NVL: variants seen among roughly 807,000 people sequenced by gnomAD.
The protein encoded by NVL is nuclear valosin-containing protein-like.
NVL carries 84 observed loss-of-function variants against 110.2 expected under a neutral mutation model. The observed-to-expected ratio is 0.76, with a 90% CI of 0.64 to 0.91. The LOEUF (loss-of-function observed/expected upper bound fraction) is 0.91, where lower values mean the gene tolerates loss of function less well. Among genes scored for constraint, NVL ranks in the 40% least tolerant of loss-of-function variants. NVL has a pLI of 0.00. For missense variants in NVL, 882 were observed against 1,035.9 expected, an observed-to-expected ratio of 0.85 and a Z score of 2.04; for synonymous variants, 354 against 361.1, an observed-to-expected ratio of 0.98 and a Z score of 0.22.
chr1:224,317,147 A>G (rs1670172096), intron 4 of NVL, among the ~76,000 whole-genome samples: 1 of 151,914 alleles, frequency 6.6e-6, no homozygotes, highest in African/African-American at 2.4e-5. Context: ...TCAAAAGAAA[A>G]AAAAAAAAAA....
At chr1:224,309,495 G>T (rs950056686) in intron 5 of NVL, among the ~76,000 whole-genome samples, 1 of 152,076 alleles carries the variant, frequency 6.6e-6, no homozygotes, top group Non-Finnish European at 1.5e-5. Context: ...CTCCAGCCTG[G>T]GTGACAGAGC....
At chr1:224,315,712 T>C (rs1264944707) in intron 4 of NVL, among the ~76,000 whole-genome samples, 1 of 152,240 alleles carries the variant, frequency 6.6e-6, no homozygotes, top group African/African-American at 2.4e-5. Flanking sequence ...CCAGCTATTC[T>C]AATCTTAGAT....
intron 4 of NVL, among the ~76,000 whole-genome samples, chr1:224,317,063 C>CG (rs1376543254): frequency 6.7e-6 from 1 of 149,910 alleles, no homozygotes; most frequent in Non-Finnish European, 1.5e-5. Flanking sequence ...CGCTTGAACC[C>CG]GGGGGGCAGA....
intron 13 of NVL, among the ~76,000 whole-genome samples, chr1:224,288,937 T>C (rs927474616): frequency 4.6e-5 from 7 of 152,224 alleles, no homozygotes; most frequent in Non-Finnish European, 8.8e-5. Flanking sequence ...CCAGAGCTGT[T>C]TGCAGCTACC....
intron 1 of NVL, among the ~76,000 whole-genome samples, chr1:224,328,902 G>T (rs769169367): frequency 7.9e-5 from 12 of 152,042 alleles, no homozygotes; most frequent in Admixed American, 1.3e-4. Flanking sequence ...GAGATATAAA[G>T]TTAGCAGTCA....
intron 19 of NVL, among the ~76,000 whole-genome samples, chr1:224,244,277 G>C (rs1449452711): frequency 6.6e-6 from 1 of 151,240 alleles, no homozygotes; most frequent in East Asian, 2.0e-4. Flanking sequence ...TGAGGCAGGA[G>C]AATCACTTGA....
intron 20 of NVL, among the ~76,000 whole-genome samples, chr1:224,234,675 A>G (rs767229467): frequency 6.6e-6 from 1 of 152,144 alleles, no homozygotes; most frequent in African/African-American, 2.4e-5. Context: ...TAATAATCAC[A>G]TACCTGCTGG....
rs1475971487 is a variant in NVL, at chr1:224,300,571, C to T, written c.1053G>A (p.Glu351=). Residue 351 remains glutamate (E), a synonymous_variant, in exon 10 of 23, where the codon GAG becomes GAA. Coordinates refer to ENST00000281701, the MANE Select transcript of NVL (RefSeq NM_002533.4). The part of the protein sequence containing the change: ...ESEQKLRELF[E]QAVSNAPCII... ...TCATTAACTGACTCACCACAGCTTG[C>T]TCAAATAGTTCTCTCAGCTTCTGCT... The T allele has an allele frequency of 1.2e-6, 2 of 1,613,080 alleles. No individual in the cohort carries two copies. The highest frequency in any genetic ancestry group is 1.3e-5 in the African/African-American group (1 of 74,894).
chr1:224,287,949 G>A lies in NVL; in HGVS notation c.1620C>T (p.Pro540=), dbSNP rs1667025189. Residue 540 remains proline (P), a synonymous_variant, in exon 14 of 23, where the codon CCC becomes CCT. Transcript: ENST00000281701. ...RLLGLLRDQD[P]LSEEQMQGLC... is the part of the protein sequence containing the mutation. ...GTCCTTGCATCTGCTCCTCTGAGAG[G>A]GGATCTTGGTCTCTTAGCAACCCCA... is the stretch of plus-strand genomic sequence containing the variant. The A allele has an allele frequency of 1.2e-6, 2 of 1,613,502 alleles. No homozygotes were observed. Among genetic ancestry groups the A allele is most frequent in the Non-Finnish European group, 8.5e-7 (1 of 1,180,020 alleles).
intron 18 of NVL, among the ~76,000 whole-genome samples, chr1:224,253,550 T>C (rs1165198052): frequency 1.3e-5 from 2 of 150,588 alleles, no homozygotes; most frequent in Admixed American, 6.6e-5. Flanking sequence ...CTGGCCAACA[T>C]GGTGAAACCC....
At chr1:224,270,090 A>G (rs936624843) in intron 17 of NVL, among the ~76,000 whole-genome samples, 2 of 129,432 alleles carry the variant, frequency 1.5e-5, no homozygotes, top group Non-Finnish European at 3.0e-5. Context: ...ATTTCTCTAG[A>G]AAAAAAAAAA....
At chr1:224,240,454 G>A (rs921550457) in intron 19 of NVL, among the ~76,000 whole-genome samples, 2 of 151,784 alleles carry the variant, frequency 1.3e-5, no homozygotes, top group Non-Finnish European at 2.9e-5. Context: ...CTTGTGATCT[G>A]CCCGCCTCCG....
At chr1:224,322,787 C>T (rs990975920) in intron 2 of NVL, among the ~76,000 whole-genome samples, 1 of 152,064 alleles carries the variant, frequency 6.6e-6, no homozygotes, top group Admixed American at 6.6e-5. Context: ...AACCCTGTCG[C>T]TACTAAAATA....
rs762285038 is a variant in NVL, at chr1:224,330,113, A to G, written c.15T>C (p.Pro5=). MKPR[P]AGFVDNKLKQ... ...TGAGTTTATTATCCACGAACCCTGC[A>G]GGTCTGGGCTTCATCGCGTCGGTCT... The change falls in exon 1 of 23, where the codon CCT becomes CCC. Residue 5 remains proline, a synonymous_variant. Transcript: ENST00000281701. 5.0e-6 allele frequency: 8 copies of G among 1,614,064 alleles called. No individual in the cohort carries two copies. The South Asian group carries it at 8.8e-5, about 18-fold the overall frequency.
chr1:224,274,274 G>A (rs1571911266), intron 17 of NVL, among the ~76,000 whole-genome samples: 1 of 151,206 alleles, frequency 6.6e-6, no homozygotes, highest in African/African-American at 2.4e-5. Flanking sequence ...CTGGGAGAAA[G>A]AGTGAGACTC....
intron 2 of NVL, among the ~76,000 whole-genome samples, chr1:224,318,618 A>T (rs886520834): frequency 6.6e-6 from 1 of 152,020 alleles, no homozygotes; most frequent in Non-Finnish European, 1.5e-5. Flanking sequence ...ATAATAAATT[A>T]AAAAACTAAG....
At chr1:224,264,157 T>C (rs572147531) in intron 18 of NVL, among the ~76,000 whole-genome samples, 222 of 152,240 alleles carry the variant, frequency 1.5e-3, no homozygotes, top group African/African-American at 5.3e-3. Context: ...CCACTCCAGC[T>C]GATAGTACGT....
chr1:224,235,933 GAAA>G (rs35435356), intron 20 of NVL, among the ~76,000 whole-genome samples: 1 of 142,324 alleles, frequency 7.0e-6, no homozygotes, highest in African/African-American at 2.6e-5. Flanking sequence ...ACCCTGTATG[GAAA>G]AAAAAAAAAG....
Position 224,303,846 on chromosome 1 carries a change from C to G in NVL, c.837G>C (p.Lys279Asn), listed in dbSNP as rs1668654526. The change falls in exon 9 of 23, where the codon AAG becomes AAC. Residue 279 changes from lysine (K) to asparagine (N), a missense_variant. Physicochemically the swap from Lys to Asn is moderately conservative, Grantham distance 94. Around this residue, in one of 4 missense-constraint regions of NVL, gnomAD observed 416 missense variants for 499.3 expected, o/e 0.83. Transcript: ENST00000281701. ...CCGGGTGACGCATGTGTATGAGCAT[C>G]TTGCAGACCTCCTAGCAGAGGATAA... ...GNDMTLKEVC[K>N]MLIHMRHPEV... 1 of 1,611,844 alleles carries G rather than the reference C, an allele frequency of 6.2e-7. No individual in the cohort carries two copies. Among genetic ancestry groups the G allele is most frequent in the Non-Finnish European group, 8.5e-7 (1 of 1,178,940 alleles).
Sources: gnomAD v4.1 joint callset for allele counts (sites outside exome capture counted in the v4.1 genomes callset) on GRCh38, gnomAD v4.1.1 for gene constraint, gnomAD v4.1.1 regional missense constraint, MANE v1.5 for transcripts, NCBI Gene and HGNC (gene_info 2026-07-23, HGNC 2026-07-21) for gene names.